ARMC1: variants seen among roughly 807,000 people sequenced by gnomAD.
The protein encoded by ARMC1 is armadillo repeat-containing protein 1.
ARMC1 carries 16 observed loss-of-function variants against 31.4 expected under a neutral mutation model. That is an observed-to-expected ratio of 0.51 (90% CI 0.34 to 0.77). The LOEUF (loss-of-function observed/expected upper bound fraction) is 0.77. Ranked by LOEUF, ARMC1 falls within the 30% of genes least tolerant of loss-of-function variation. The pLI, the probability that ARMC1 is intolerant of heterozygous loss-of-function variation, is 0.01. For missense variants in ARMC1, 259 were observed against 347.5 expected (o/e 0.75, Z 2.02); for synonymous variants, 114 against 118.9 (o/e 0.96, Z 0.27).
intron 4 of ARMC1, 148 bp downstream of exon 4, chr8:65,613,095 CT>C (rs1808177540): frequency 8.1e-6 from 4 of 493,282 alleles, no homozygotes; most frequent in Non-Finnish European, 1.4e-5. Context: ...TTCTTATATC[CT>C]ATGATTAACT....
At chr8:65,617,923 G>T (rs6986509) in intron 3 of ARMC1, among the ~76,000 whole-genome samples, 2 of 20,426 alleles carry the variant, frequency 9.8e-5, no homozygotes, top group African/African-American at 5.1e-4. Flanking sequence ...TTTCGGCGGG[G>T]GGGGAGGGAG....
intron 3 of ARMC1, among the ~76,000 whole-genome samples, chr8:65,620,805 A>AAAAAAAAAAAC (rs1808378646): frequency 6.6e-6 from 1 of 151,812 alleles, no homozygotes; most frequent in Admixed American, 6.6e-5. Context: ...CATTTAAAAA[A>AAAAAAAAAAAC]AAACACAACT....
intron 1 of ARMC1, among the ~76,000 whole-genome samples, chr8:65,630,927 T>G (rs572773034): frequency 1.3e-5 from 2 of 152,152 alleles, no homozygotes; most frequent in African/African-American, 4.8e-5. Flanking sequence ...GCTAATGCAG[T>G]TGGTGCTCTG....
chr8:65,612,991 T>C (rs1808175004), intron 4 of ARMC1, among the ~76,000 whole-genome samples: 1 of 152,238 alleles, frequency 6.6e-6, no homozygotes, highest in Admixed American at 6.5e-5. Context: ...TGTGTTAAAA[T>C]CTCTAACTGT....
intron 3 of ARMC1, among the ~76,000 whole-genome samples, chr8:65,617,950 C>T (rs1808309511): frequency 1.3e-5 from 2 of 151,816 alleles, no homozygotes; most frequent in African/African-American, 4.8e-5. Flanking sequence ...GAGTCTCACT[C>T]TGTCACCCAG....
At chr8:65,627,993 T>C (rs1302055508) in intron 1 of ARMC1, among the ~76,000 whole-genome samples, 1 of 152,012 alleles carries the variant, frequency 6.6e-6, no homozygotes, top group East Asian at 1.9e-4. Context: ...AAGATCATAG[T>C]GAATCTACAC....
At chr8:65,623,632 C>T (rs1468258718) in intron 2 of ARMC1, among the ~76,000 whole-genome samples, 1 of 151,774 alleles carries the variant, frequency 6.6e-6, no homozygotes, top group Non-Finnish European at 1.5e-5. Context: ...CAAAAAAAAC[C>T]ACCATCCATA....
chr8:65,622,670 G>A (rs1182462030), intron 2 of ARMC1, among the ~76,000 whole-genome samples: 6 of 151,474 alleles, frequency 4.0e-5, no homozygotes, highest in Non-Finnish European at 7.4e-5. Flanking sequence ...CTGTGATTGC[G>A]CCATTGCACT....
At chr8:65,608,627 C>G (rs1313541101) in intron 4 of ARMC1, among the ~76,000 whole-genome samples, 1 of 152,096 alleles carries the variant, frequency 6.6e-6, no homozygotes, top group East Asian at 1.9e-4. Context: ...TTTGACCATT[C>G]TAAACTCAAC....
At chr8:65,616,867 G>A (rs1411763435) in intron 3 of ARMC1, among the ~76,000 whole-genome samples, 7 of 150,206 alleles carry the variant, frequency 4.7e-5, no homozygotes, top group South Asian at 4.2e-4. Flanking sequence ...CAGCCGCCCT[G>A]TCTGAGAAGT....
chr8:65,614,099 A>T (rs1237400290), intron 3 of ARMC1, among the ~76,000 whole-genome samples: 1 of 152,262 alleles, frequency 6.6e-6, no homozygotes, highest in Non-Finnish European at 1.5e-5. Context: ...AGAAAATACA[A>T]CATATAAAAA....
At chr8:65,618,249 G>T (rs369607353) in intron 3 of ARMC1, among the ~76,000 whole-genome samples, 1 of 151,852 alleles carries the variant, frequency 6.6e-6, no homozygotes, top group Non-Finnish European at 1.5e-5. Flanking sequence ...AAGGCCAGGC[G>T]CAGTGGCTCA....
At chr8:65,632,091 T>C (rs1808657489) in intron 1 of ARMC1, among the ~76,000 whole-genome samples, 1 of 152,194 alleles carries the variant, frequency 6.6e-6, no homozygotes, top group Admixed American at 6.5e-5. Flanking sequence ...GCTGTATAAA[T>C]GCATCTCTTT....
chr8:65,608,355 T>C (rs534495234), intron 4 of ARMC1, among the ~76,000 whole-genome samples: 75 of 152,122 alleles, frequency 4.9e-4, no homozygotes, highest in Non-Finnish European at 8.2e-4. Flanking sequence ...GGCAAAACCC[T>C]GTCTCTACTA....
chr8:65,629,798 CAA>C (rs56044753), intron 1 of ARMC1, among the ~76,000 whole-genome samples: 63,665 of 100,660 alleles, frequency 0.63, 17,485 homozygotes, highest in African/African-American at 0.66. Flanking sequence ...GACTCCGTCT[CAA>C]AAAAAAAAAA....
chr8:65,616,792 C>A (rs1220590613), intron 3 of ARMC1, among the ~76,000 whole-genome samples: 9 of 151,964 alleles, frequency 5.9e-5, no homozygotes, highest in Non-Finnish European at 1.3e-4. Flanking sequence ...GCGACCCCGT[C>A]TGGGAGGTGA....
intron 4 of ARMC1, among the ~76,000 whole-genome samples, chr8:65,609,249 T>C (rs1286341364): frequency 6.6e-6 from 1 of 151,440 alleles, no homozygotes; most frequent in Non-Finnish European, 1.5e-5. Context: ...ATTACAGGCA[T>C]GTGCCACCAC....
At chr8:65,620,935 A>C (rs1318846725) in intron 3 of ARMC1, among the ~76,000 whole-genome samples, 1 of 152,128 alleles carries the variant, frequency 6.6e-6, no homozygotes, top group Non-Finnish European at 1.5e-5. Context: ...TGTCTCTACA[A>C]AATAATTTAA....
intron 3 of ARMC1, among the ~76,000 whole-genome samples, chr8:65,619,755 G>A (rs1054961918): frequency 2.0e-5 from 3 of 151,324 alleles, no homozygotes; most frequent in South Asian, 2.1e-4. Context: ...AGGCTGAGAC[G>A]GGCGGATCAC....
Sources: gnomAD v4.1 joint callset for allele counts (sites outside exome capture counted in the v4.1 genomes callset) on GRCh38, gnomAD v4.1.1 for gene constraint, MANE v1.5 for transcripts, NCBI Gene and HGNC (gene_info 2026-07-23, HGNC 2026-07-21) for gene names.